The following SPAG1 variants were observed in gnomAD, a reference collection of about 807,000 sequenced individuals.
The protein encoded by SPAG1 is sperm associated antigen 1.
A neutral mutation model predicts 100.5 loss-of-function variants in SPAG1; 69 were observed. The ratio of observed to expected loss-of-function variants is 0.69; its 90% CI spans 0.57 to 0.84. SPAG1 has a LOEUF of 0.84. Among genes scored for constraint, SPAG1 ranks in the 40% least tolerant of loss-of-function variants. The pLI, the probability that SPAG1 is intolerant of heterozygous loss-of-function variation, is 0.00. For synonymous variants in SPAG1, 336 were observed against 411.6 expected, an observed-to-expected ratio of 0.82 and a Z score of 2.22; for missense variants, 955 against 1,133.1, an observed-to-expected ratio of 0.84 and a Z score of 2.26.
chr8:100,174,271 TAGAGA>T (rs1459676119), intron 3 of SPAG1, among the ~76,000 whole-genome samples: 6 of 152,184 alleles, frequency 3.9e-5, no homozygotes, highest in Non-Finnish European at 8.8e-5. Context: ...TAAAGTAAGC[TAGAGA>T]AAAGAAAATG....
chr8:100,232,183 A>G (rs571366602), intron 15 of SPAG1, among the ~76,000 whole-genome samples: 1 of 152,124 alleles, frequency 6.6e-6, no homozygotes, highest in Non-Finnish European at 1.5e-5. Flanking sequence ...CCTTCTGTTC[A>G]GCCTCTGTAG....
chr8:100,239,465 G>C lies in SPAG1; in HGVS notation c.2280+61G>C. 9.5e-7 allele frequency: 1 copy of C among 1,055,616 alleles called. No homozygotes were observed. The highest frequency in any genetic ancestry group is 2.1e-5 in the Admixed American group (1 of 47,362). The allele number at this position is 1,055,616 out of a possible 1,614,324, so 65.4% of individuals were successfully genotyped here. A position where few individuals can be genotyped will look rare whatever the true frequency, so the allele number is the denominator to read the frequency against. On this transcript the variant is annotated intron_variant, in intron 17 of 18. Transcript: ENST00000388798. The surrounding 1 kb of genome is among the most constrained non-coding windows in gnomAD (Gnocchi z 5.0). ...TGGGGACCTTAGACTGGATTCTAAGGTCATATTCCTGTGAGTTCTAAAACA... is the reference window on the plus strand; with the variant it reads ...TGGGGACCTTAGACTGGATTCTAAGCTCATATTCCTGTGAGTTCTAAAACA...
intron 4 of SPAG1, among the ~76,000 whole-genome samples, chr8:100,181,713 TG>T (rs1352261241): frequency 6.6e-6 from 1 of 152,212 alleles, no homozygotes; most frequent in African/African-American, 2.4e-5. Flanking sequence ...TTCCTTCTAT[TG>T]GAACTTCTTC....
chr8:100,233,357 A>ACAG, intron 15 of SPAG1, 54 bp from the exon 16 acceptor site: 2 of 1,600,036 alleles, frequency 1.2e-6, no homozygotes, highest in Admixed American at 3.4e-5. Context: ...TCTAAAACTT[A>ACAG]CAGATAGCCA....
intron 5 of SPAG1, 25 bp from the exon 6 acceptor site, chr8:100,183,930 TG>T: frequency 8.8e-7 from 1 of 1,140,464 alleles, no homozygotes. Context: ...TGTACTTTTT[TG>T]GTTTTTATTG....
chr8:100,172,985 G>C (rs1419800067), intron 3 of SPAG1, among the ~76,000 whole-genome samples: 1 of 148,818 alleles, frequency 6.7e-6, no homozygotes, highest in Non-Finnish European at 1.5e-5. Flanking sequence ...TTTAGTTGAA[G>C]AGCCTAGGTT....
At chr8:100,200,968 T>A (rs924029909) in intron 10 of SPAG1, among the ~76,000 whole-genome samples, 10 of 152,154 alleles carry the variant, frequency 6.6e-5, no homozygotes, top group Admixed American at 5.9e-4. Context: ...AAGTCCAATT[T>A]TTTTTTTCAG....
At chr8:100,175,522 G>A (rs558423953) in intron 3 of SPAG1, among the ~76,000 whole-genome samples, 21 of 152,118 alleles carry the variant, frequency 1.4e-4, no homozygotes, top group African/African-American at 2.7e-4. Flanking sequence ...TCCTGACCTC[G>A]TGATCCGTCT....
At chr8:100,229,222 A>C in intron 14 of SPAG1, among the ~76,000 whole-genome samples, 1 of 151,626 alleles carries the variant, frequency 6.6e-6, no homozygotes, top group East Asian at 1.9e-4. Flanking sequence ...GGAGATGGAG[A>C]CCATCCTGGC....
At chr8:100,202,427 C>T (rs1315271959) in intron 10 of SPAG1, among the ~76,000 whole-genome samples, 2 of 151,316 alleles carry the variant, frequency 1.3e-5, no homozygotes, top group African/African-American at 4.9e-5. Flanking sequence ...ATCAACTGGC[C>T]AGGCCGGGCG....
chr8:100,160,244 T>A (rs1409240024), intron 1 of SPAG1, among the ~76,000 whole-genome samples: 1 of 152,226 alleles, frequency 6.6e-6, no homozygotes, highest in Non-Finnish European at 1.5e-5. Flanking sequence ...ATTATGTTAG[T>A]CCTGGAGCTG....
intron 1 of SPAG1, among the ~76,000 whole-genome samples, chr8:100,160,543 C>A (rs1237367444): frequency 6.7e-6 from 1 of 149,868 alleles, no homozygotes; most frequent in Admixed American, 6.8e-5. Flanking sequence ...AGGAGAATCG[C>A]TTGAACCCAG....
At chr8:100,180,254 C>T (rs773118671) in intron 4 of SPAG1, among the ~76,000 whole-genome samples, 4 of 152,094 alleles carry the variant, frequency 2.6e-5, no homozygotes, top group African/African-American at 4.8e-5. Flanking sequence ...AAGAGGATTG[C>T]TTGAGCCCTA....
At chr8:100,198,479 A>G (rs889710613) in intron 10 of SPAG1, among the ~76,000 whole-genome samples, 1 of 152,246 alleles carries the variant, frequency 6.6e-6, no homozygotes, top group South Asian at 2.1e-4. Context: ...CATACAGACA[A>G]ATCACTAATG....
rs73279011 is a variant in SPAG1 at position 100,160,674 on chromosome 8, A to G, written c.-2-1605A>G. Among the ~76,000 whole-genome samples the G allele has an allele frequency of 5.8e-3, 882 of 151,928 alleles. 14 individuals are homozygous for G. The highest frequency in any genetic ancestry group is 0.021 in the African/African-American group (856 of 41,382). ...GGTATGTACAGAGTGCCCTTAGAAC[A>G]CAGTTCATTGTGTAGTAGGGAGAAG... On this transcript the variant is annotated intron_variant, in intron 1 of 18. Transcript: ENST00000388798.
chr8:100,231,326 TA>T (rs1473343706), intron 15 of SPAG1, 38 bp downstream of exon 15: 1 of 1,299,926 alleles, frequency 7.7e-7, no homozygotes, highest in Non-Finnish European at 1.1e-6. Context: ...CTTATGTTAA[TA>T]GTTTTGATTA....
At position 100,162,407 on chromosome 8, in the gene SPAG1, C is replaced by A. The variant is rs753165641; in HGVS notation, c.127C>A (p.Leu43Ile). ...CSDVKHLEKI[L>I]CVLRSGEEGY... Reference sequence around the variant, plus strand: ...AGATGTTAAACATCTGGAAAAAATTCTTTGCGTGCTCAGGTAAGCATTTTA... The same window carrying A: ...AGATGTTAAACATCTGGAAAAAATTATTTGCGTGCTCAGGTAAGCATTTTA... The change falls in exon 2 of 19, where the codon CTT becomes ATT. Residue 43 changes from leucine to isoleucine, a missense_variant. Physicochemically the swap from Leu to Ile is conservative, Grantham distance 5. Transcript: ENST00000388798. 2.5e-6 allele frequency: 4 copies of A among 1,581,390 alleles called. No individual in the cohort carries two copies. The highest frequency in any genetic ancestry group is 2.4e-5 in the South Asian group (2 of 84,936).
Position 100,239,830 on chromosome 8 carries a change from C to T in SPAG1, c.2280+426C>T, listed in dbSNP as rs1335172257. ...TTTTAGCACTCTGAAATATGACTGC[C>T]TCATCAGAGATCTCGAACTACCTCA... is the stretch of plus-strand genomic sequence containing the variant. On this transcript the variant is annotated intron_variant, in intron 17 of 18. Transcript: ENST00000388798. The surrounding 1 kb of genome is among the most constrained non-coding windows in gnomAD (Gnocchi z 5.0). 6.6e-6 allele frequency among the ~76,000 whole-genome samples: 1 copy of T among 152,220 alleles called. No homozygotes were observed. Among genetic ancestry groups the T allele is most frequent in the East Asian group, 1.9e-4 (1 of 5,198 alleles).
intron 9 of SPAG1, among the ~76,000 whole-genome samples, chr8:100,191,951 C>A (rs1014117952): frequency 3.3e-4 from 50 of 152,178 alleles, no homozygotes; most frequent in Middle Eastern, 3.4e-3. Context: ...AGGTAAGTGT[C>A]AAGAACTGAG....
Sources: allele counts gnomAD v4.1 joint callset (sites outside exome capture counted in the v4.1 genomes callset), GRCh38; gene constraint gnomAD v4.1.1; non-coding constraint Gnocchi (gnomAD v3.1); transcripts MANE v1.5; gene names NCBI Gene and HGNC (gene_info 2026-07-23, HGNC 2026-07-21).